The following HOMER2 variants were observed in gnomAD, a reference collection of about 807,000 sequenced individuals.
HOMER2 encodes homer protein homolog 2.
In HOMER2, 27 loss-of-function variants were observed where a neutral mutation model predicts 47.0. That is an observed-to-expected ratio of 0.57 (90% confidence interval 0.42 to 0.79). The LOEUF (loss-of-function observed/expected upper bound fraction) is 0.79. Among genes scored for constraint, HOMER2 ranks in the 30% least tolerant of loss-of-function variants. The pLI, the probability that HOMER2 is intolerant of heterozygous loss-of-function variation, is 0.00. For missense variants in HOMER2, 443 were observed against 435.0 expected, an observed-to-expected ratio of 1.02 and a Z score of -0.16; for synonymous variants, 161 against 163.8, an observed-to-expected ratio of 0.98 and a Z score of 0.13.
At chr15:82,911,072 A>C (rs2053439756) in intron 1 of HOMER2, among the ~76,000 whole-genome samples, 1 of 152,210 alleles carries the variant, frequency 6.6e-6, no homozygotes, top group Non-Finnish European at 1.5e-5. Flanking sequence ...TGTTAAAGGA[A>C]TGTTATGTTG....
chr15:82,868,356 T>C (rs1170908000), intron 3 of HOMER2, among the ~76,000 whole-genome samples: 1 of 151,082 alleles, frequency 6.6e-6, no homozygotes, highest in Non-Finnish European at 1.5e-5. Context: ...TTGTCACTTA[T>C]AAGTAGGAGC....
intron 1 of HOMER2, among the ~76,000 whole-genome samples, chr15:82,916,477 T>C (rs900200262): frequency 7.2e-5 from 11 of 151,958 alleles, no homozygotes; most frequent in African/African-American, 1.7e-4. Context: ...TCCGACAGGA[T>C]TGAGAATAGG....
chr15:82,903,212 T>C (rs1218279389), intron 1 of HOMER2, among the ~76,000 whole-genome samples: 2 of 152,112 alleles, frequency 1.3e-5, no homozygotes, highest in Admixed American at 6.5e-5. Flanking sequence ...CCTAGAGCGG[T>C]AGGGACCGAA....
chr15:82,933,777 T>G (rs1456778591), intron 1 of HOMER2, among the ~76,000 whole-genome samples: 1 of 152,108 alleles, frequency 6.6e-6, no homozygotes, highest in Non-Finnish European at 1.5e-5. Context: ...GGCAACCACA[T>G]CACCAGGGCT....
chr15:82,963,365 C>T (rs1308564763), intron 1 of HOMER2, among the ~76,000 whole-genome samples: 1 of 152,096 alleles, frequency 6.6e-6, no homozygotes, highest in East Asian at 1.9e-4. Context: ...GCTGGGATTA[C>T]AGGCATGAGC....
chr15:82,976,925 C>G lies in HOMER2; in HGVS notation n.82+8862G>C, dbSNP rs532753272. Reference sequence around the variant, plus strand: ...TCCTGACCTCAGGTGATCTGCCCCCCTCGGCCTCCCAAAGTGCTGGGATTA... The same window carrying G: ...TCCTGACCTCAGGTGATCTGCCCCCGTCGGCCTCCCAAAGTGCTGGGATTA... On this transcript the variant is annotated intron_variant and non_coding_transcript_variant, in intron 1 of 1. Coordinates refer to the HOMER2 transcript ENST00000500334. 6.6e-5 allele frequency among the ~76,000 whole-genome samples: 10 copies of G among 152,188 alleles called. No homozygotes were observed. In the South Asian group the frequency reaches 1.2e-3, roughly 19 times the overall value.
intron 1 of HOMER2, among the ~76,000 whole-genome samples, chr15:82,967,595 G>A (rs2054686277): frequency 6.6e-6 from 1 of 151,986 alleles, no homozygotes; most frequent in East Asian, 1.9e-4. Flanking sequence ...CACAAAGCAG[G>A]CCAGGCACGG....
At chr15:82,980,032 G>A (rs564631451) in intron 1 of HOMER2, among the ~76,000 whole-genome samples, 1 of 152,288 alleles carries the variant, frequency 6.6e-6, no homozygotes, top group South Asian at 2.1e-4. Context: ...CAACTTTTAA[G>A]TGGCAGGCAG....
intron 1 of HOMER2, among the ~76,000 whole-genome samples, chr15:82,942,942 T>C (rs1478557625): frequency 1.3e-5 from 2 of 151,928 alleles, no homozygotes; most frequent in Non-Finnish European, 2.9e-5. Context: ...GGGAGCAGAG[T>C]GACTGGGTCG....
chr15:82,858,900 C>A, intron 5 of HOMER2, 129 bp downstream of exon 5: 1 of 1,076,884 alleles, frequency 9.3e-7, no homozygotes, highest in Non-Finnish European at 1.3e-6. Context: ...CACCAGGAGA[C>A]AAGAGTGGAT....
At chr15:82,890,857 G>T (rs1229756773) in intron 2 of HOMER2, among the ~76,000 whole-genome samples, 2 of 152,196 alleles carry the variant, frequency 1.3e-5, no homozygotes, top group East Asian at 1.9e-4. Flanking sequence ...GAACATCCTG[G>T]AAAGAGTCCA....
At chr15:82,873,550 C>A (rs911676481) in intron 3 of HOMER2, among the ~76,000 whole-genome samples, 3 of 152,200 alleles carry the variant, frequency 2.0e-5, no homozygotes, top group Admixed American at 6.5e-5. Flanking sequence ...GCACACAAGC[C>A]CAGGAAGTGA....
At chr15:82,978,870 G>C (rs1370678784) in intron 1 of HOMER2, among the ~76,000 whole-genome samples, 1 of 152,160 alleles carries the variant, frequency 6.6e-6, no homozygotes, top group Non-Finnish European at 1.5e-5. Context: ...ACAGGTGTGT[G>C]CCACCACACC....
At chr15:82,979,143 C>T (rs1382568019) in intron 1 of HOMER2, among the ~76,000 whole-genome samples, 1 of 152,192 alleles carries the variant, frequency 6.6e-6, no homozygotes, top group Non-Finnish European at 1.5e-5. Context: ...TTCCTGAGGC[C>T]TCCCCAGCCG....
At chr15:82,937,337 G>T (rs1477214231) in intron 1 of HOMER2, among the ~76,000 whole-genome samples, 5 of 152,202 alleles carry the variant, frequency 3.3e-5, no homozygotes, top group Admixed American at 1.3e-4. Flanking sequence ...TTTTGTTATG[G>T]TTTGGTTTCT....
chr15:82,854,506 A>T, intron 6 of HOMER2, 138 bp downstream of exon 6: 1 of 801,262 alleles, frequency 1.2e-6, no homozygotes, highest in Non-Finnish European at 1.9e-6. Flanking sequence ...GGACGTTCCC[A>T]TGGGAGAGGC....
downstream of HOMER2, chr15:82,846,246 A>G (rs1235195435): frequency 6.6e-6 from 1 of 152,236 alleles, no homozygotes; most frequent in Non-Finnish European, 1.5e-5. Context: ...TAAAGCCATC[A>G]ATAAAGAACT....
intron 1 of HOMER2, chr15:82,985,629 T>A (rs1328421329): frequency 6.6e-6 from 1 of 152,196 alleles, no homozygotes; most frequent in Non-Finnish European, 1.5e-5. Context: ...GAGGCCAAGC[T>A]TTGTCGGGAT....
chr15:82,958,295 G>C (rs1036502170), exon 2 of HOMER2: 2 of 152,250 alleles, frequency 1.3e-5, no homozygotes, highest in South Asian at 2.1e-4. Flanking sequence ...ATGTACAGGA[G>C]GGAAGATCAT....
Sources: allele counts gnomAD v4.1 joint callset (sites outside exome capture counted in the v4.1 genomes callset), GRCh38; gene constraint gnomAD v4.1.1; transcripts MANE v1.5; gene names NCBI Gene and HGNC (gene_info 2026-07-23, HGNC 2026-07-21).